CAST: variants seen among roughly 807,000 people sequenced by gnomAD.
The protein encoded by CAST is MIR583 host.
In CAST, 76 loss-of-function variants were observed where a neutral mutation model predicts 119.6. The observed-to-expected ratio is 0.64, with a 90% CI of 0.53 to 0.77. The LOEUF is 0.77. Among genes scored for constraint, CAST ranks in the 30% least tolerant of loss-of-function variants. CAST has a pLI of 0.00. For synonymous variants in CAST, 319 were observed against 331.6 expected (o/e 0.96, Z 0.41); for missense variants, 953 against 946.5 (o/e 1.01, Z -0.09).
the CAST span, among the ~76,000 whole-genome samples, chr5:95,978,190 T>A: frequency 6.6e-5 from 10 of 152,200 alleles, no homozygotes; most frequent in African/African-American, 2.2e-4. Flanking sequence ...GGTTGACCGG[T>A]AGTTCTGTTT....
At chr5:96,017,788 A>G in the CAST span, among the ~76,000 whole-genome samples, 26 of 152,336 alleles carry the variant, frequency 1.7e-4, no homozygotes, top group South Asian at 4.1e-3. Context: ...GCTAAGGATT[A>G]AGAAATTAAT....
At chr5:96,095,056 G>A in the CAST span, among the ~76,000 whole-genome samples, 1 of 152,000 alleles carries the variant, frequency 6.6e-6, no homozygotes, top group African/African-American at 2.4e-5. Flanking sequence ...TTGCTTTTTG[G>A]GACTTTGGCT....
chr5:96,275,524 A>T, the CAST span, among the ~76,000 whole-genome samples: 1 of 152,200 alleles, frequency 6.6e-6, no homozygotes, highest in Admixed American at 6.5e-5. Flanking sequence ...AGATAATATG[A>T]TAGTTTGTGT....
At chr5:96,581,153 A>C (rs935152773) in intron 1 of CAST, among the ~76,000 whole-genome samples, 2 of 152,274 alleles carry the variant, frequency 1.3e-5, no homozygotes, top group African/African-American at 4.8e-5. Context: ...CAGTAACAGT[A>C]GAAAGGTCAA....
intron 9 of CAST, among the ~76,000 whole-genome samples, chr5:96,735,031 G>C (rs1040706945): frequency 3.9e-5 from 6 of 152,102 alleles, no homozygotes; most frequent in Admixed American, 3.3e-4. Context: ...GTGAATATCT[G>C]CATGAGGTAG....
the CAST span, among the ~76,000 whole-genome samples, chr5:96,417,423 T>C: frequency 6.6e-6 from 1 of 152,100 alleles, no homozygotes; most frequent in Non-Finnish European, 1.5e-5. Context: ...TCCTGACTTT[T>C]TGTGATTTTT....
chr5:96,285,143 T>G, the CAST span, among the ~76,000 whole-genome samples: 3 of 152,228 alleles, frequency 2.0e-5, no homozygotes, highest in African/African-American at 7.2e-5. Flanking sequence ...ATTCATTCAT[T>G]TAACACACAC....
upstream of CAST, among the ~76,000 whole-genome samples, chr5:96,522,922 G>C (rs1020495440): frequency 1.3e-5 from 2 of 152,152 alleles, no homozygotes; most frequent in African/African-American, 2.4e-5. Context: ...GTGGTCACTG[G>C]GGCGAGTGGG....
chr5:96,679,030 T>C (rs567536437), intron 2 of CAST, among the ~76,000 whole-genome samples: 1 of 152,060 alleles, frequency 6.6e-6, no homozygotes, highest in African/African-American at 2.4e-5. Context: ...GATGAGGTCT[T>C]ACTCTGTCAC....
At chr5:96,171,895 G>C in the CAST span, among the ~76,000 whole-genome samples, 1 of 152,222 alleles carries the variant, frequency 6.6e-6, no homozygotes, top group African/African-American at 2.4e-5. Flanking sequence ...AGGAGGACAG[G>C]GGATTGATCT....
intron 1 of CAST, among the ~76,000 whole-genome samples, chr5:96,638,238 T>C (rs992358399): frequency 6.6e-6 from 1 of 151,042 alleles, no homozygotes; most frequent in Non-Finnish European, 1.5e-5. Context: ...AAACCCTGCC[T>C]CTATTAAAAA....
At chr5:96,465,955 A>G in the CAST span, among the ~76,000 whole-genome samples, 10 of 152,190 alleles carry the variant, frequency 6.6e-5, no homozygotes, top group African/African-American at 2.4e-4. Flanking sequence ...TTTATAACTG[A>G]TACCTCCAAT....
the CAST span, among the ~76,000 whole-genome samples, chr5:96,149,879 CA>C: frequency 6.6e-6 from 1 of 152,178 alleles, no homozygotes; most frequent in East Asian, 1.9e-4. Context: ...GAGCTTCTTT[CA>C]GGGGAAGGAA....
At chr5:96,635,801 C>T (rs563827995) in intron 1 of CAST, among the ~76,000 whole-genome samples, 1 of 152,312 alleles carries the variant, frequency 6.6e-6, no homozygotes, top group African/African-American at 2.4e-5. Context: ...TAGACAATTG[C>T]TTCCACTTCA....
the CAST span, among the ~76,000 whole-genome samples, chr5:96,073,630 A>C: frequency 1.3e-5 from 2 of 152,182 alleles, no homozygotes; most frequent in African/African-American, 4.8e-5. Context: ...GACATTAGTT[A>C]GATTCTCATA....
chr5:96,005,230 A>G, the CAST span, among the ~76,000 whole-genome samples: 1 of 152,208 alleles, frequency 6.6e-6, no homozygotes, highest in African/African-American at 2.4e-5. Flanking sequence ...TCCAAGAGAT[A>G]GATAGGGGAT....
chr5:96,160,821 C>T, the CAST span, among the ~76,000 whole-genome samples: 1 of 152,178 alleles, frequency 6.6e-6, no homozygotes. Flanking sequence ...GAAGTGGTGT[C>T]TATCTCACTG....
At chr5:96,655,512 G>A (rs866473107) in intron 1 of CAST, among the ~76,000 whole-genome samples, 13 of 152,202 alleles carry the variant, frequency 8.5e-5, no homozygotes, top group Non-Finnish European at 1.9e-4. Flanking sequence ...CACATAAAGA[G>A]AATTGTTACA....
chr5:96,494,941 C>A, the CAST span, among the ~76,000 whole-genome samples: 1 of 151,872 alleles, frequency 6.6e-6, no homozygotes, highest in Non-Finnish European at 1.5e-5. Flanking sequence ...CACAGTGAAA[C>A]CCCGTCTCTA....
Sources: allele counts gnomAD v4.1 joint callset (sites outside exome capture counted in the v4.1 genomes callset), GRCh38; gene constraint gnomAD v4.1.1; transcripts MANE v1.5; gene names NCBI Gene and HGNC (gene_info 2026-07-23, HGNC 2026-07-21).